NBAS: variants seen among roughly 807,000 people sequenced by gnomAD.
NBAS encodes NAG/BC035112 fusion.
A neutral mutation model predicts 302.5 loss-of-function variants in NBAS; 219 were observed. The ratio of observed to expected loss-of-function variants is 0.72; its 90% CI spans 0.65 to 0.81. The LOEUF is 0.81. NBAS is among the 30% of genes least tolerant of loss of function. The pLI is 0.00. For synonymous variants in NBAS, 1,118 were observed against 1,021.6 expected (o/e 1.09, Z -1.80); for missense variants, 2,932 against 2,841.6 (o/e 1.03, Z -0.72).
chr2:14,978,584 G>T, the NBAS span, among the ~76,000 whole-genome samples: 1 of 152,154 alleles, frequency 6.6e-6, no homozygotes, highest in South Asian at 2.1e-4. Context: ...ATAATAGGTA[G>T]ACAACTAACA....
At chr2:15,257,400 CTTT>C (rs528160196) in intron 44 of NBAS, among the ~76,000 whole-genome samples, 3 of 135,178 alleles carry the variant, frequency 2.2e-5, no homozygotes, top group African/African-American at 2.7e-5. Flanking sequence ...CATTTAATTT[CTTT>C]TTTTTTTTTT....
intron 32 of NBAS, among the ~76,000 whole-genome samples, chr2:15,364,329 C>T (rs952293785): frequency 6.6e-6 from 1 of 152,032 alleles, no homozygotes; most frequent in Non-Finnish European, 1.5e-5. Context: ...GTTAGGAGTT[C>T]CAGACCAGCC....
chr2:15,025,366 T>A, the NBAS span, among the ~76,000 whole-genome samples: 2 of 152,196 alleles, frequency 1.3e-5, no homozygotes, highest in African/African-American at 4.8e-5. Context: ...GGGTTACCAT[T>A]GCCTTGCAGT....
At chr2:14,893,628 G>C in the NBAS span, among the ~76,000 whole-genome samples, 425 of 152,244 alleles carry the variant, frequency 2.8e-3, 4 homozygotes, top group African/African-American at 1.0e-2. Context: ...TTCATGGACT[G>C]TATCACCTCG....
the NBAS span, among the ~76,000 whole-genome samples, chr2:15,136,494 A>G: frequency 6.6e-6 from 1 of 152,208 alleles, no homozygotes; most frequent in Non-Finnish European, 1.5e-5. Context: ...TATTTATAAG[A>G]AGTTTGGCAG....
the NBAS span, among the ~76,000 whole-genome samples, chr2:14,876,187 A>G: frequency 1.3e-5 from 2 of 152,198 alleles, no homozygotes; most frequent in Non-Finnish European, 2.9e-5. Context: ...AGAGGCTTCT[A>G]CTTGGTCTTT....
intron 21 of NBAS, among the ~76,000 whole-genome samples, chr2:15,443,024 CAA>C (rs1424501537): frequency 4.6e-5 from 7 of 151,484 alleles, no homozygotes; most frequent in Non-Finnish European, 7.4e-5. Flanking sequence ...GCTTACCAAC[CAA>C]AAAGAGTCCA....
the NBAS span, among the ~76,000 whole-genome samples, chr2:14,938,216 GTAT>G: frequency 1.3e-5 from 2 of 151,986 alleles, no homozygotes; most frequent in Non-Finnish European, 1.5e-5. Flanking sequence ...ATGTTAGCTG[GTAT>G]TATTATTACA....
chr2:15,501,584 A>ATTTTTTTTT (rs70961416), intron 11 of NBAS, among the ~76,000 whole-genome samples: 2 of 107,224 alleles, frequency 1.9e-5, no homozygotes, highest in Non-Finnish European at 3.6e-5. Context: ...TGAACTAAAT[A>ATTTTTTTTT]TTTTTTTTTT....
Position 15,442,919 on chromosome 2 carries a change from C to T in NBAS, c.2340-15125G>A, listed in dbSNP as rs1678509896. Among the ~76,000 whole-genome samples, 7 of 152,258 alleles carry T rather than the reference C, an allele frequency of 4.6e-5. No individual in the cohort carries two copies. The South Asian group carries it at 1.5e-3, about 32-fold the overall frequency. On this transcript the variant is annotated intron_variant, in intron 21 of 51. Transcript: ENST00000281513. The stretch of plus-strand genomic sequence containing the variant: ...AAAATCTAGAAGAAATGGATAAATT[C>T]CTCGACACATACACTCTCCCAACAC...
chr2:15,500,998 T>C (rs544174338), intron 11 of NBAS, among the ~76,000 whole-genome samples: 86 of 150,478 alleles, frequency 5.7e-4, no homozygotes, highest in Middle Eastern at 3.6e-3. Flanking sequence ...TATTTTAACA[T>C]ACTCTTTTAA....
At chr2:15,219,691 C>G (rs1210944830) in intron 47 of NBAS, among the ~76,000 whole-genome samples, 1 of 137,764 alleles carries the variant, frequency 7.3e-6, no homozygotes, top group Non-Finnish European at 1.6e-5. Flanking sequence ...TTTCTTAGTA[C>G]AGAACAAAAT....
chr2:15,017,169 A>G, the NBAS span, among the ~76,000 whole-genome samples: 36 of 152,160 alleles, frequency 2.4e-4, no homozygotes, highest in African/African-American at 8.2e-4. Flanking sequence ...TCATCTCCAA[A>G]TGGATCAAAG....
chr2:15,066,311 T>C, the NBAS span, among the ~76,000 whole-genome samples: 8 of 152,208 alleles, frequency 5.3e-5, no homozygotes, highest in Non-Finnish European at 1.5e-5. Context: ...ATCTCGGCAA[T>C]TATTTCTTGG....
At chr2:15,207,795 C>G (rs1334973640) in intron 48 of NBAS, among the ~76,000 whole-genome samples, 2 of 152,164 alleles carry the variant, frequency 1.3e-5, no homozygotes, top group African/African-American at 4.8e-5. Flanking sequence ...GCCTCCCAAG[C>G]CATGCAGAAC....
At chr2:15,245,063 T>G (rs2147965566) in intron 44 of NBAS, among the ~76,000 whole-genome samples, 1 of 152,280 alleles carries the variant, frequency 6.6e-6, no homozygotes. Context: ...ACTGTGACTC[T>G]GGGGTTGCTT....
chr2:14,965,063 A>G, the NBAS span, among the ~76,000 whole-genome samples: 1 of 152,228 alleles, frequency 6.6e-6, no homozygotes, highest in East Asian at 1.9e-4. Context: ...ATAATACTAG[A>G]TACCTGCATT....
At chr2:14,959,324 C>A in the NBAS span, among the ~76,000 whole-genome samples, 4 of 152,176 alleles carry the variant, frequency 2.6e-5, no homozygotes, top group East Asian at 7.7e-4. Context: ...TCGTATTAAC[C>A]CTCTGGAGGC....
chr2:15,271,050 GACTTAA>G (rs1252129028), intron 44 of NBAS, among the ~76,000 whole-genome samples: 3 of 152,124 alleles, frequency 2.0e-5, no homozygotes, highest in African/African-American at 7.2e-5. Flanking sequence ...TTTTGATCAA[GACTTAA>G]ACTTATACTA....
Sources: allele counts gnomAD v4.1 joint callset (sites outside exome capture counted in the v4.1 genomes callset), GRCh38; gene constraint gnomAD v4.1.1; transcripts MANE v1.5; gene names NCBI Gene and HGNC (gene_info 2026-07-23, HGNC 2026-07-21).